RCOR1: variants seen among roughly 807,000 people sequenced by gnomAD.
RCOR1 encodes REST corepressor 1, also known as REST corepressor.
A neutral mutation model predicts 64.0 loss-of-function variants in RCOR1; 12 were observed. The observed-to-expected ratio is 0.19, with a 90% CI of 0.12 to 0.30. The LOEUF is 0.30. Ranked by LOEUF, RCOR1 falls within the 10% of genes least tolerant of loss-of-function variation. The pLI is 1.00. For synonymous variants in RCOR1, 279 were observed against 227.2 expected, an observed-to-expected ratio of 1.23 and a Z score of -2.05; for missense variants, 502 against 621.2, an observed-to-expected ratio of 0.81 and a Z score of 2.04.
intron 3 of RCOR1, among the ~76,000 whole-genome samples, chr14:102,691,636 A>C (rs1480131099): frequency 6.6e-6 from 1 of 152,158 alleles, no homozygotes; most frequent in African/African-American, 2.4e-5. Flanking sequence ...CATCACTTTA[A>C]TTTTTTTAAG....
chr14:102,619,076 C>T (rs138329823), intron 2 of RCOR1, among the ~76,000 whole-genome samples: 197 of 152,102 alleles, frequency 1.3e-3, no homozygotes, highest in African/African-American at 3.9e-3. Flanking sequence ...CTATCACAAG[C>T]GTCCTGGCTT....
chr14:102,641,224 C>T (rs1894361665), intron 2 of RCOR1, among the ~76,000 whole-genome samples: 1 of 152,056 alleles, frequency 6.6e-6, no homozygotes, highest in South Asian at 2.1e-4. Flanking sequence ...CACTGCACTC[C>T]AGCCTTGCGG....
At chr14:102,612,368 A>G (rs563040612) in intron 2 of RCOR1, among the ~76,000 whole-genome samples, 1 of 149,604 alleles carries the variant, frequency 6.7e-6, no homozygotes, top group South Asian at 2.1e-4. Context: ...CACGCCCGCT[A>G]ATTTGTTTTG....
intron 2 of RCOR1, among the ~76,000 whole-genome samples, chr14:102,650,066 C>T (rs932743319): frequency 6.6e-6 from 1 of 151,814 alleles, no homozygotes; most frequent in Admixed American, 6.6e-5. Context: ...GGTGAGGTGG[C>T]GGGCACCTGT....
At chr14:102,670,439 G>T (rs1020356420) in intron 2 of RCOR1, among the ~76,000 whole-genome samples, 1 of 152,006 alleles carries the variant, frequency 6.6e-6, no homozygotes, top group African/African-American at 2.4e-5. Flanking sequence ...CTTAAAGATG[G>T]TTTGATAACA....
chr14:102,597,992 T>A (rs1417324732), intron 2 of RCOR1, among the ~76,000 whole-genome samples: 1 of 152,096 alleles, frequency 6.6e-6, no homozygotes, highest in African/African-American at 2.4e-5. Flanking sequence ...CCAGCTAATT[T>A]TGTATTTTTA....
intron 2 of RCOR1, among the ~76,000 whole-genome samples, chr14:102,675,126 A>G (rs1348199188): frequency 1.3e-5 from 2 of 151,652 alleles, no homozygotes; most frequent in African/African-American, 4.8e-5. Context: ...AAATATTAGT[A>G]TCTACCCAGA....
chr14:102,717,599 A>G (rs1273557596), intron 8 of RCOR1, among the ~76,000 whole-genome samples: 1 of 152,150 alleles, frequency 6.6e-6, no homozygotes, highest in Non-Finnish European at 1.5e-5. Flanking sequence ...CACTGGAAGA[A>G]CTGTCTCGGG....
intron 2 of RCOR1, among the ~76,000 whole-genome samples, chr14:102,672,973 C>G (rs182331812): frequency 6.6e-6 from 1 of 152,292 alleles, no homozygotes; most frequent in East Asian, 1.9e-4. Context: ...GACATTGTAT[C>G]AGGTAACATC....
At chr14:102,614,285 C>T (rs1178563745) in intron 2 of RCOR1, among the ~76,000 whole-genome samples, 5 of 144,098 alleles carry the variant, frequency 3.5e-5, no homozygotes, top group Non-Finnish European at 7.5e-5. Context: ...AGTCCAGTGG[C>T]GCCATCTCGG....
At chr14:102,621,143 A>T (rs563536855) in intron 2 of RCOR1, among the ~76,000 whole-genome samples, 1 of 152,212 alleles carries the variant, frequency 6.6e-6, no homozygotes, top group Admixed American at 6.5e-5. Flanking sequence ...CTAGTTTTTT[A>T]GAATTTTTTG....
At chr14:102,695,170 G>A (rs1260011353) in intron 3 of RCOR1, among the ~76,000 whole-genome samples, 4 of 152,124 alleles carry the variant, frequency 2.6e-5, no homozygotes, top group South Asian at 2.1e-4. Context: ...AGGGCATTTC[G>A]TTCATTGAAT....
At chr14:102,689,596 A>T (rs940760948) in intron 3 of RCOR1, among the ~76,000 whole-genome samples, 1 of 152,192 alleles carries the variant, frequency 6.6e-6, no homozygotes, top group African/African-American at 2.4e-5. Flanking sequence ...TATAAGTTAT[A>T]TATAGTAAGT....
intron 2 of RCOR1, among the ~76,000 whole-genome samples, chr14:102,599,848 G>T (rs1364213119): frequency 2.0e-5 from 3 of 150,120 alleles, no homozygotes; most frequent in Non-Finnish European, 4.4e-5. Flanking sequence ...TGTCACACAG[G>T]CTAGAGTGCA....
intron 2 of RCOR1, among the ~76,000 whole-genome samples, chr14:102,669,922 A>G (rs1894998483): frequency 1.3e-5 from 2 of 152,294 alleles, no homozygotes; most frequent in South Asian, 2.1e-4. Context: ...TATTGAAAGT[A>G]TGGGTGGCCA....
Position 102,592,899 on chromosome 14 carries a change from G to T in RCOR1, c.13G>T (p.Val5Leu). 2.4e-6 allele frequency: 3 copies of T among 1,236,742 alleles called. No homozygotes were observed. The allele number at this position is 1,236,742 out of a possible 1,614,324, so 76.6% of individuals were successfully genotyped here. MPAM[V>L]EKGPEVSGKR... Reference sequence around the variant, plus strand: ...CCGGCCCCCGCCGATGCCGGCCATGGTGGAGAAGGGCCCCGAGGTCTCAGG... The same window carrying T: ...CCGGCCCCCGCCGATGCCGGCCATGTTGGAGAAGGGCCCCGAGGTCTCAGG... The change falls in exon 1 of 12, where the codon GTG becomes TTG. Residue 5 changes from valine (V) to leucine (L), a missense_variant. This residue lies in a region of RCOR1 where 242 missense variants were observed against 204.9 expected (regional missense o/e 1.18). Coordinates refer to ENST00000262241, the MANE Select transcript of RCOR1 (RefSeq NM_015156.4).
At chr14:102,600,206 CCT>C (rs200947758) in intron 2 of RCOR1, among the ~76,000 whole-genome samples, 10,208 of 151,998 alleles carry the variant, frequency 0.067, 471 homozygotes, top group Middle Eastern at 0.14. Flanking sequence ...CCTGCCTCAG[CCT>C]CTCTGAGTAG....
rs114148211 is a variant in RCOR1, at chr14:102,633,948, A to G, written c.361+40623A>G. Reference sequence around the variant, plus strand: ...ATAATACATAGAAGGTAGATTTTTGAGGTATGACATTTAAGATGTGAGGTG... The same window carrying G: ...ATAATACATAGAAGGTAGATTTTTGGGGTATGACATTTAAGATGTGAGGTG... On this transcript the variant is annotated intron_variant, in intron 2 of 11. Coordinates refer to ENST00000262241, the MANE Select transcript of RCOR1 (RefSeq NM_015156.4). Among the ~76,000 whole-genome samples the G allele has an allele frequency of 7.1e-3, 1,081 of 152,286 alleles. 20 individuals carry two copies. Among genetic ancestry groups the G allele is most frequent in the African/African-American group, 0.025 (1,021 of 41,548 alleles).
At position 102,711,307 on chromosome 14, in the gene RCOR1, A is replaced by G. The variant is rs7151545; in HGVS notation, c.858+294A>G. ...CGTAAGCCATTAGCTCAGTAGGTTA[A>G]CAAGTGGTCTAGTGAATTCCAGGCA... On this transcript the variant is annotated intron_variant, in intron 7 of 11. Transcript: ENST00000262241. 0.12 allele frequency among the ~76,000 whole-genome samples: 18,145 copies of G among 152,270 alleles called. 1,912 individuals are homozygous for G. Among genetic ancestry groups the G allele is most frequent in the African/African-American group, 0.28 (11,712 of 41,522 alleles).
Sources: gnomAD v4.1 joint callset for allele counts (sites outside exome capture counted in the v4.1 genomes callset) on GRCh38, gnomAD v4.1.1 for gene constraint, gnomAD v4.1.1 regional missense constraint, MANE v1.5 for transcripts, NCBI Gene and HGNC (gene_info 2026-07-23, HGNC 2026-07-21) for gene names.